RPGRIP1: variants seen among roughly 807,000 people sequenced by gnomAD.
The protein encoded by RPGRIP1 is RPGR interacting protein 1.
RPGRIP1 carries 128 observed loss-of-function variants against 157.9 expected under a neutral mutation model. The ratio of observed to expected loss-of-function variants is 0.81; its 90% CI spans 0.70 to 0.94. The LOEUF (loss-of-function observed/expected upper bound fraction) is 0.94. Ranked by LOEUF, RPGRIP1 falls within the 40% of genes least tolerant of loss-of-function variation. The pLI, the probability that RPGRIP1 is intolerant of heterozygous loss-of-function variation, is 0.00. For synonymous variants in RPGRIP1, 554 were observed against 571.6 expected, an observed-to-expected ratio of 0.97 and a Z score of 0.44; for missense variants, 1,486 against 1,545.8, an observed-to-expected ratio of 0.96 and a Z score of 0.65.
intron 3 of RPGRIP1, among the ~76,000 whole-genome samples, 184 bp downstream of exon 3, chr14:21,294,993 G>A (rs754676113): frequency 5.9e-5 from 9 of 151,590 alleles, no homozygotes; most frequent in East Asian, 1.9e-4. Flanking sequence ...ATAGGCATGC[G>A]TCACCATGCC....
At chr14:21,311,779 C>T (rs1275858879) in intron 8 of RPGRIP1, 45 bp from the exon 9 acceptor site, 1 of 1,534,290 alleles carries the variant, frequency 6.5e-7, no homozygotes, top group South Asian at 1.2e-5. Flanking sequence ...ACCACTCGTG[C>T]TGAGTGATAT....
At chr14:21,317,543 G>A in intron 10 of RPGRIP1, 153 bp from the exon 11 acceptor site, 1 of 1,514,258 alleles carries the variant, frequency 6.6e-7, no homozygotes, top group Non-Finnish European at 8.8e-7. Context: ...CAAGGCAGTT[G>A]GTAAATGACA....
chr14:21,327,780 A>G lies in RPGRIP1; in HGVS notation c.2868A>G (p.Glu956=), dbSNP rs542655567. The G allele has an allele frequency of 6.2e-7, 1 of 1,605,590 alleles. No homozygotes were observed. The highest frequency in any genetic ancestry group is 1.7e-5 in the Admixed American group (1 of 58,348). Residue 956 remains glutamate, a synonymous_variant, in exon 18 of 25, where the codon GAA becomes GAG. Transcript: ENST00000400017. The part of the protein sequence containing the change: ...DTKDSSKISS[E]EEKASFPSQD... ...AGGACAGTTCAAAGATCTCATCTGA[A>G]GAGGAAAAGGCTTCATTTCCTTCCC...
chr14:21,287,806 T>C, intron 1 of RPGRIP1, 133 bp from the exon 2 acceptor site: 1 of 520,904 alleles, frequency 1.9e-6, no homozygotes, highest in Non-Finnish European at 3.5e-6. Context: ...TTGTCCACAC[T>C]ACCATGAGAA....
In RPGRIP1 at chr14:21,334,666, T is replaced by C; in HGVS notation, c.3300T>C (p.Asp1100=). Residue 1100 remains aspartate, a synonymous_variant, in exon 21 of 25, where the codon GAT becomes GAC. Transcript: ENST00000400017. ...VSEAQTTDSD[D]VIVPPMSQKY... The stretch of plus-strand genomic sequence containing the variant: ...AAGCACAAACTACCGACAGTGATGA[T>C]GTCATAGTGCCACCCATGTCTCAGA... The C allele has an allele frequency of 6.2e-7, 1 of 1,608,708 alleles. No individual in the cohort carries two copies. Among genetic ancestry groups the C allele is most frequent in the Non-Finnish European group, 8.5e-7 (1 of 1,178,142 alleles).
intron 1 of RPGRIP1, among the ~76,000 whole-genome samples, chr14:21,282,158 A>G (rs1880155225): frequency 6.6e-6 from 1 of 152,180 alleles, no homozygotes; most frequent in South Asian, 2.1e-4. Context: ...ACGTCTATCC[A>G]TCTATCACTA....
chr14:21,300,689 T>A (rs1173679494), intron 3 of RPGRIP1, among the ~76,000 whole-genome samples: 1 of 149,362 alleles, frequency 6.7e-6, no homozygotes, highest in Non-Finnish European at 1.5e-5. Context: ...CAAATACTAT[T>A]GGGGTAGTGG....
chr14:21,330,408 T>C, intron 20 of RPGRIP1, 21 bp downstream of exon 20: 3 of 1,431,750 alleles, frequency 2.1e-6, no homozygotes, highest in Non-Finnish European at 2.8e-6. Context: ...TTAAAATCTA[T>C]TTTTTTTCCT....
rs757511584 is a variant in RPGRIP1, at chr14:21,326,117, A to C, written c.2654A>C (p.Tyr885Ser). The C allele has an allele frequency of 1.2e-6, 2 of 1,605,370 alleles. No homozygotes were observed. Among genetic ancestry groups the C allele is most frequent in the South Asian group, 2.2e-5 (2 of 90,470 alleles). The part of the protein sequence containing the change: ...FDDEDLEPGS[Y>S]LGRARVPLLP... The stretch of plus-strand genomic sequence containing the variant: ...GATGAAGACTTAGAGCCTGGCTCGT[A>C]TCTTGGCCGAGCCCGAGTGCCTTTA... Residue 885 changes from tyrosine to serine, a missense_variant, in exon 17 of 25, where the codon TAT becomes TCT. Coordinates refer to ENST00000400017, the MANE Select transcript of RPGRIP1 (RefSeq NM_020366.4).
At chr14:21,290,906 C>T (rs967785713) in intron 2 of RPGRIP1, among the ~76,000 whole-genome samples, 6 of 149,524 alleles carry the variant, frequency 4.0e-5, no homozygotes, top group African/African-American at 1.5e-4. Context: ...GAGGCTGAGG[C>T]ATGAGAAAAA....
intron 20 of RPGRIP1, among the ~76,000 whole-genome samples, chr14:21,331,376 G>A (rs1471390549): frequency 6.6e-6 from 1 of 151,956 alleles, no homozygotes; most frequent in African/African-American, 2.4e-5. Context: ...CAAAAAATTA[G>A]CTGGGCATGG....
rs1165134621 is a variant in RPGRIP1, at chr14:21,330,375, C to T, written c.3226C>T (p.His1076Tyr). 1 of 1,528,250 alleles carries T rather than the reference C, an allele frequency of 6.5e-7. No individual in the cohort carries two copies. Among genetic ancestry groups the T allele is most frequent in the Non-Finnish European group, 8.7e-7 (1 of 1,145,052 alleles). The allele number at this position is 1,528,250 out of a possible 1,614,324, so 94.7% of individuals were successfully genotyped here. ...AGCACTGAAACAGAAGGAACCTCTA[C>T]ATCCTGTAAATGGTATTGTCTTTTA... is the stretch of plus-strand genomic sequence containing the variant. ...HSALKQKEPL[H>Y]PVNDKESSEQ... Residue 1076 changes from histidine to tyrosine, a missense_variant, in exon 20 of 25, where the codon CAT becomes TAT. His to Tyr is a moderately conservative substitution (Grantham distance 83). Transcript: ENST00000400017.
intron 2 of RPGRIP1, among the ~76,000 whole-genome samples, chr14:21,293,128 AAG>A (rs1164425752): frequency 6.6e-6 from 1 of 152,154 alleles, no homozygotes; most frequent in Admixed American, 6.6e-5. Flanking sequence ...CCTGGGCAAA[AAG>A]AGCGAAACTC....
chr14:21,297,744 G>T lies in RPGRIP1; in HGVS notation c.218+2935G>T, dbSNP rs543780007. On this transcript the variant is annotated intron_variant, in intron 3 of 24. Coordinates refer to ENST00000400017, the MANE Select transcript of RPGRIP1 (RefSeq NM_020366.4). ...AAGCTTTGTTTGATTGGGTGATTTT[G>T]GGGGAGGATCCAAGGAAACAGAAGT... 4.6e-5 allele frequency among the ~76,000 whole-genome samples: 7 copies of T among 152,270 alleles called. No individual in the cohort carries two copies. In the East Asian group the frequency reaches 1.3e-3, roughly 29 times the overall value.
chr14:21,325,964 A>G lies in RPGRIP1; in HGVS notation c.2501A>G (p.His834Arg), dbSNP rs1883048177. ...TACCGCTTCTTCACCTTTTCTGACC[A>G]TGACACTGCCATCATTCCAGCCAGT... ...AVYRFFTFSD[H>R]DTAIIPASNN... The change falls in exon 17 of 25, where the codon CAT becomes CGT. Residue 834 changes from histidine (H) to arginine (R), a missense_variant. His to Arg is a conservative substitution (Grantham distance 29). Coordinates refer to ENST00000400017, the MANE Select transcript of RPGRIP1 (RefSeq NM_020366.4). The G allele has an allele frequency of 1.9e-6, 3 of 1,613,940 alleles. No individual in the cohort carries two copies. Among genetic ancestry groups the G allele is most frequent in the Non-Finnish European group, 1.7e-6 (2 of 1,179,882 alleles).
chr14:21,294,741 C>A lies in RPGRIP1; in HGVS notation c.150C>A (p.Phe50Leu), dbSNP rs1441910136. ...ACCGGGAGGAATTGGAGGACAGTTT[C>A]TTTCGACTTCGCGAAGATCACATGT... ...RMNREELEDS[F>L]FRLREDHMLV... Residue 50 changes from phenylalanine to leucine, a missense_variant, in exon 3 of 25, where the codon TTC (phenylalanine) becomes TTA (leucine). By Grantham distance (22) the Phe-to-Leu change is conservative. Coordinates refer to ENST00000400017, the MANE Select transcript of RPGRIP1 (RefSeq NM_020366.4). 3.1e-6 allele frequency: 5 copies of A among 1,605,768 alleles called. No homozygotes were observed. The highest frequency in any genetic ancestry group is 4.3e-6 in the Non-Finnish European group (5 of 1,175,890).
chr14:21,338,759 T>G (rs1884667897), intron 21 of RPGRIP1, among the ~76,000 whole-genome samples: 1 of 152,228 alleles, frequency 6.6e-6, no homozygotes, highest in South Asian at 2.1e-4. Flanking sequence ...TTATTCATCC[T>G]CCCATTTCAC....
chr14:21,293,528 A>C (rs1205520514), intron 2 of RPGRIP1, among the ~76,000 whole-genome samples: 2 of 151,590 alleles, frequency 1.3e-5, no homozygotes, highest in Non-Finnish European at 2.9e-5. Flanking sequence ...GGATCACCTG[A>C]GGTCAGGAGT....
chr14:21,301,243 A>T lies in RPGRIP1; in HGVS notation c.490+6A>T. ...GCCGGAGAAACCCAAGAGGGGTGAG[A>T]TTTAAGGCTACATCCCCTACAGGGC... On this transcript the variant is annotated splice_donor_region_variant and intron_variant, in intron 4 of 24. Transcript: ENST00000400017. 2 of 1,578,140 alleles carry T rather than the reference A, an allele frequency of 1.3e-6. No individual in the cohort carries two copies. The highest frequency in any genetic ancestry group is 1.2e-5 in the South Asian group (1 of 86,032).
Sources: gnomAD v4.1 joint callset for allele counts (sites outside exome capture counted in the v4.1 genomes callset) on GRCh38, gnomAD v4.1.1 for gene constraint, MANE v1.5 for transcripts, NCBI Gene and HGNC (gene_info 2026-07-23, HGNC 2026-07-21) for gene names.